The following KCNQ5 variants were observed in gnomAD, a reference collection of about 807,000 sequenced individuals.
The protein encoded by KCNQ5 is potassium voltage-gated channel subfamily KQT member 5.
Under a neutral mutation model 98.2 loss-of-function variants are expected in KCNQ5, and 30 were observed. That is an observed-to-expected ratio of 0.31 (90% CI 0.23 to 0.41). KCNQ5 has a LOEUF of 0.41. Among genes scored for constraint, KCNQ5 ranks in the 10% least tolerant of loss-of-function variants. The pLI is 1.00. For synonymous variants in KCNQ5, 458 were observed against 449.4 expected (o/e 1.02, Z -0.24); for missense variants, 835 against 1,182.5 (o/e 0.71, Z 4.31).
intron 1 of KCNQ5, among the ~76,000 whole-genome samples, chr6:72,917,187 T>A (rs2150212198): frequency 6.6e-6 from 1 of 152,334 alleles, no homozygotes; most frequent in African/African-American, 2.4e-5. Context: ...TGCTGCTGCT[T>A]ATCTTCTATG....
intron 11 of KCNQ5, among the ~76,000 whole-genome samples, chr6:73,189,241 A>C: frequency 6.6e-6 from 1 of 152,186 alleles, no homozygotes. Flanking sequence ...CTGCTGAATA[A>C]TTTTGCTTAA....
intron 1 of KCNQ5, among the ~76,000 whole-genome samples, chr6:72,665,569 G>A (rs1484869829): frequency 6.6e-6 from 1 of 152,144 alleles, no homozygotes; most frequent in Non-Finnish European, 1.5e-5. Flanking sequence ...CATTACATAA[G>A]AAACAACTTC....
At chr6:72,958,260 A>G (rs995310778) in intron 1 of KCNQ5, among the ~76,000 whole-genome samples, 1 of 152,156 alleles carries the variant, frequency 6.6e-6, no homozygotes, top group African/African-American at 2.4e-5. Flanking sequence ...TCCCCATCCC[A>G]AGGTTACCAG....
At chr6:73,147,544 T>C (rs1776973192) in intron 10 of KCNQ5, among the ~76,000 whole-genome samples, 1 of 152,138 alleles carries the variant, frequency 6.6e-6, no homozygotes, top group African/African-American at 2.4e-5. Context: ...ACCGCTTCCT[T>C]TATTAAAGAT....
At chr6:72,647,461 GAAAAAAAAAGAA>G (rs1765652011) in intron 1 of KCNQ5, among the ~76,000 whole-genome samples, 2 of 131,530 alleles carry the variant, frequency 1.5e-5, no homozygotes, top group African/African-American at 2.8e-5. Context: ...AAAACAAAAC[GAAAAAAAAAGAA>G]AAAAAAAAAG....
intron 10 of KCNQ5, among the ~76,000 whole-genome samples, chr6:73,143,819 G>A (rs1025357218): frequency 1.3e-5 from 2 of 152,260 alleles, no homozygotes; most frequent in East Asian, 1.9e-4. Flanking sequence ...GGAACAAAAG[G>A]CACCTTCCTC....
intron 12 of KCNQ5, 43 bp downstream of exon 12, chr6:73,190,747 G>T (rs776588725): frequency 3.2e-5 from 45 of 1,396,442 alleles, no homozygotes; most frequent in Non-Finnish European, 2.9e-6. Flanking sequence ...AATGGGCATA[G>T]AACCTATCTA....
intron 1 of KCNQ5, among the ~76,000 whole-genome samples, chr6:72,651,743 T>C (rs1403936871): frequency 1.3e-5 from 2 of 151,958 alleles, no homozygotes; most frequent in African/African-American, 4.8e-5. Context: ...ATATTACATA[T>C]CAAAGAGTAC....
intron 1 of KCNQ5, among the ~76,000 whole-genome samples, chr6:72,949,604 A>G (rs892334806): frequency 6.6e-6 from 1 of 152,248 alleles, no homozygotes; most frequent in Non-Finnish European, 1.5e-5. Flanking sequence ...TTTTCATATT[A>G]CATGCATTTT....
intron 5 of KCNQ5, among the ~76,000 whole-genome samples, chr6:73,104,516 T>C (rs1774925029): frequency 6.6e-6 from 1 of 152,212 alleles, no homozygotes; most frequent in South Asian, 2.1e-4. Flanking sequence ...TTTCAGAATC[T>C]ACTCTATGTG....
chr6:73,140,892 C>T (rs751262295), intron 10 of KCNQ5, among the ~76,000 whole-genome samples: 1 of 152,124 alleles, frequency 6.6e-6, no homozygotes, highest in Non-Finnish European at 1.5e-5. Flanking sequence ...CATCTTCATT[C>T]AAAGACATAT....
At chr6:72,957,470 C>A (rs1034856485) in intron 1 of KCNQ5, among the ~76,000 whole-genome samples, 1 of 151,996 alleles carries the variant, frequency 6.6e-6, no homozygotes, top group African/African-American at 2.4e-5. Flanking sequence ...TGCACCCAGC[C>A]GTAGGAAGCT....
At chr6:73,002,010 G>GC (rs971870806) in intron 1 of KCNQ5, among the ~76,000 whole-genome samples, 218 of 1,148 alleles carry the variant, frequency 0.19, 1 homozygote, top group South Asian at 0.5. Context: ...TATAGTCCCA[G>GC]CTCTCAGGAG....
chr6:72,952,714 G>T (rs1292924586), intron 1 of KCNQ5, among the ~76,000 whole-genome samples: 1 of 152,086 alleles, frequency 6.6e-6, no homozygotes, highest in Non-Finnish European at 1.5e-5. Flanking sequence ...TCTTTGAGGT[G>T]CCCTTTCTTG....
intron 1 of KCNQ5, among the ~76,000 whole-genome samples, chr6:72,785,872 A>ATTAC (rs1773713358): frequency 6.6e-6 from 1 of 152,010 alleles, no homozygotes; most frequent in African/African-American, 2.4e-5. Flanking sequence ...GCAATAAACA[A>ATTAC]TTACTTAGAA....
intron 1 of KCNQ5, among the ~76,000 whole-genome samples, chr6:72,693,057 G>A (rs1264648086): frequency 6.6e-6 from 1 of 152,072 alleles, no homozygotes; most frequent in Non-Finnish European, 1.5e-5. Context: ...GAATGGATTG[G>A]GCTTAAGTTT....
chr6:73,014,892 A>G (rs764458551), intron 2 of KCNQ5, among the ~76,000 whole-genome samples: 12 of 152,082 alleles, frequency 7.9e-5, no homozygotes, highest in Admixed American at 1.3e-4. Flanking sequence ...GCCACTTCCT[A>G]TATACCAGTA....
intron 1 of KCNQ5, among the ~76,000 whole-genome samples, chr6:72,697,575 A>G (rs1441592160): frequency 6.6e-6 from 1 of 152,248 alleles, no homozygotes; most frequent in Admixed American, 6.5e-5. Context: ...AAATTAGGAT[A>G]TAATTCCTTA....
At chr6:72,684,753 T>C (rs1767868455) in intron 1 of KCNQ5, among the ~76,000 whole-genome samples, 1 of 152,214 alleles carries the variant, frequency 6.6e-6, no homozygotes, top group Non-Finnish European at 1.5e-5. Context: ...ACATATTAAT[T>C]TATGAAATAA....
Sources: gnomAD v4.1 joint callset for allele counts (sites outside exome capture counted in the v4.1 genomes callset) on GRCh38, gnomAD v4.1.1 for gene constraint, MANE v1.5 for transcripts, NCBI Gene and HGNC (gene_info 2026-07-23, HGNC 2026-07-21) for gene names.